The following WDR64 variants were observed in gnomAD, a reference collection of about 807,000 sequenced individuals.
The protein encoded by WDR64 is WD repeat-containing protein 64.
Under a neutral mutation model 139.3 loss-of-function variants are expected in WDR64, and 112 were observed. The ratio of observed to expected loss-of-function variants is 0.80; its 90% CI spans 0.69 to 0.94. The LOEUF (loss-of-function observed/expected upper bound fraction) is 0.94, where lower values mean the gene tolerates loss of function less well. Among genes scored for constraint, WDR64 ranks in the 40% least tolerant of loss-of-function variants. WDR64 has a pLI of 0.00. For synonymous variants in WDR64, 444 were observed against 437.7 expected (o/e 1.01, Z -0.18); for missense variants, 1,206 against 1,293.1 (o/e 0.93, Z 1.03).
chr1:241,743,525 C>A (rs959092260), intron 12 of WDR64, among the ~76,000 whole-genome samples: 1 of 152,158 alleles, frequency 6.6e-6, no homozygotes, highest in East Asian at 1.9e-4. Context: ...GCTAAAGTGG[C>A]TTGCTTTCCA....
chr1:241,697,205 C>T (rs1406335475), intron 8 of WDR64, among the ~76,000 whole-genome samples: 1 of 152,206 alleles, frequency 6.6e-6, no homozygotes, highest in Non-Finnish European at 1.5e-5. Context: ...TCTCCAGTGA[C>T]TATTCCAGAC....
intron 3 of WDR64, among the ~76,000 whole-genome samples, chr1:241,674,263 T>TTTC (rs1666373372): frequency 7.1e-6 from 1 of 141,240 alleles, no homozygotes; most frequent in East Asian, 2.0e-4. Flanking sequence ...TTTCTTTTCT[T>TTTC]TTTTTTTTTT....
chr1:241,720,576 T>C (rs965423887), intron 9 of WDR64, among the ~76,000 whole-genome samples: 3 of 152,204 alleles, frequency 2.0e-5, no homozygotes, highest in African/African-American at 4.8e-5. Context: ...TTTTTTAATA[T>C]GTTTTTTGGC....
chr1:241,708,641 T>C (rs965196194), intron 8 of WDR64, among the ~76,000 whole-genome samples: 8 of 150,512 alleles, frequency 5.3e-5, no homozygotes, highest in Non-Finnish European at 8.9e-5. Context: ...TAGACATTTA[T>C]GACTCCACCC....
At chr1:241,657,860 T>TA (rs1208171054) in intron 1 of WDR64, among the ~76,000 whole-genome samples, 3 of 152,216 alleles carry the variant, frequency 2.0e-5, no homozygotes, top group Non-Finnish European at 2.9e-5. Flanking sequence ...AACACACCTT[T>TA]AGCCACCATC....
intron 4 of WDR64, chr1:241,677,214 C>G (rs2148092557): frequency 2.5e-6 from 1 of 396,830 alleles, no homozygotes; most frequent in East Asian, 3.6e-5. Context: ...TTTAAAGAAG[C>G]TGAGAGGACT....
chr1:241,708,598 G>T (rs1438628948), intron 8 of WDR64, among the ~76,000 whole-genome samples: 4 of 151,942 alleles, frequency 2.6e-5, no homozygotes, highest in Non-Finnish European at 4.4e-5. Context: ...ACAGGCATGA[G>T]CCACTGCACC....
At chr1:241,739,400 A>G (rs1231534538) in intron 11 of WDR64, among the ~76,000 whole-genome samples, 1 of 152,162 alleles carries the variant, frequency 6.6e-6, no homozygotes, top group Non-Finnish European at 1.5e-5. Flanking sequence ...GGTTGGTGCT[A>G]TCTCTGCTGG....
intron 6 of WDR64, among the ~76,000 whole-genome samples, chr1:241,682,925 A>G (rs1411061077): frequency 1.3e-5 from 2 of 152,250 alleles, no homozygotes; most frequent in Non-Finnish European, 2.9e-5. Flanking sequence ...AAGGAAATAT[A>G]TAGATAAATG....
intron 1 of WDR64, among the ~76,000 whole-genome samples, chr1:241,653,002 T>C (rs191291926): frequency 2.6e-5 from 4 of 152,324 alleles, no homozygotes; most frequent in Admixed American, 6.5e-5. Context: ...CCTAAAGATA[T>C]CATGAGACCA....
At position 241,744,379 on chromosome 1, in the gene WDR64, G is replaced by C; in HGVS notation, c.1471-14G>C. On this transcript the variant is annotated splice_polypyrimidine_tract_variant and intron_variant, in intron 12 of 27. Coordinates refer to ENST00000437684, the MANE Select transcript of WDR64 (RefSeq NM_001367482.1). ...TTCAAACGGATTACTTGATATTTTC[G>C]TTCTTTCCCATAGGTATGGGAACTC... The C allele has an allele frequency of 6.2e-7, 1 of 1,612,880 alleles. No individual in the cohort carries two copies. The highest frequency in any genetic ancestry group is 8.5e-7 in the Non-Finnish European group (1 of 1,179,700).
At chr1:241,749,827 T>C (rs1669914580) in intron 14 of WDR64, 105 bp downstream of exon 14, 3 of 1,290,320 alleles carry the variant, frequency 2.3e-6, no homozygotes, top group Non-Finnish European at 3.3e-6. Context: ...GGTAGCCAGC[T>C]GAAGATGGTA....
intron 2 of WDR64, among the ~76,000 whole-genome samples, chr1:241,669,279 T>A (rs1271713261): frequency 1.3e-5 from 2 of 152,222 alleles, no homozygotes; most frequent in Non-Finnish European, 2.9e-5. Context: ...CCACAGCACA[T>A]GCTCTTTGCC....
rs1039807503 is a variant in WDR64, at chr1:241,770,666, C to T, written c.2229C>T (p.Ser743=). The T allele has an allele frequency of 1.9e-6, 3 of 1,551,324 alleles. No individual in the cohort carries two copies. The African/African-American group carries it at 4.1e-5, about 21-fold the overall frequency. The change falls in exon 18 of 28, where the codon TCC becomes TCT. Residue 743 remains serine, a synonymous_variant. Transcript: ENST00000437684. ...TATGTTCTTCATCCCAGTGTGAATC[C>T]AGCAAAGGTCCACAGAGCAGTAAGG... The part of the protein sequence containing the change: ...DSICSSSQCE[S]SKGPQSSKGS...
chr1:241,801,098 C>A, intron 27 of WDR64, 34 bp from the exon 28 acceptor site: 2 of 1,553,172 alleles, frequency 1.3e-6, no homozygotes, highest in Middle Eastern at 1.7e-4. Flanking sequence ...CAGTAGAATG[C>A]CAGTTACTAA....
At chr1:241,689,632 TCAGATG>T (rs1448803685) in intron 8 of WDR64, among the ~76,000 whole-genome samples, 3 of 152,072 alleles carry the variant, frequency 2.0e-5, no homozygotes, top group Non-Finnish European at 2.9e-5. Context: ...AGCATCAGAA[TCAGATG>T]CAGACATGGC....
chr1:241,730,915 T>C (rs756453461), intron 10 of WDR64, among the ~76,000 whole-genome samples: 1 of 152,192 alleles, frequency 6.6e-6, no homozygotes, highest in Non-Finnish European at 1.5e-5. Context: ...ATTGTGCAAC[T>C]TGAAATCAGG....
intron 6 of WDR64, among the ~76,000 whole-genome samples, chr1:241,683,206 C>T (rs1475962408): frequency 1.3e-5 from 2 of 152,092 alleles, no homozygotes; most frequent in African/African-American, 2.4e-5. Context: ...CAAAAAAAGG[C>T]CATTTACAGT....
At chr1:241,734,097 G>A (rs1216770601) in intron 10 of WDR64, among the ~76,000 whole-genome samples, 1 of 152,160 alleles carries the variant, frequency 6.6e-6, no homozygotes, top group East Asian at 1.9e-4. Flanking sequence ...TGCTCACTGA[G>A]ATAAATGCAT....
Sources: gnomAD v4.1 joint callset for allele counts (sites outside exome capture counted in the v4.1 genomes callset) on GRCh38, gnomAD v4.1.1 for gene constraint, MANE v1.5 for transcripts, NCBI Gene and HGNC (gene_info 2026-07-23, HGNC 2026-07-21) for gene names.